NFS1: variants seen among roughly 807,000 people sequenced by gnomAD.
The protein encoded by NFS1 is cysteine desulfurase.
Under a neutral mutation model 57.3 loss-of-function variants are expected in NFS1, and 26 were observed. The ratio of observed to expected loss-of-function variants is 0.45; its 90% CI spans 0.33 to 0.63. The LOEUF (loss-of-function observed/expected upper bound fraction) is 0.63. NFS1 is among the 20% of genes least tolerant of loss of function. NFS1 has a pLI of 0.02. For missense variants in NFS1, 505 were observed against 605.8 expected, an observed-to-expected ratio of 0.83 and a Z score of 1.75; for synonymous variants, 209 against 216.3, an observed-to-expected ratio of 0.97 and a Z score of 0.30.
At chr20:35,683,373 T>C (rs1260348309) in intron 5 of NFS1, among the ~76,000 whole-genome samples, 1 of 151,702 alleles carries the variant, frequency 6.6e-6, no homozygotes, top group African/African-American at 2.4e-5. Flanking sequence ...TCCCAGCTAC[T>C]TGAGAGGCTG....
rs1397576748 is a variant in NFS1, at chr20:35,675,072, C to T, written c.921G>A (p.Ala307=). The change falls in exon 8 of 13, where the codon GCG becomes GCA. Residue 307 remains alanine, a synonymous_variant. Transcript: ENST00000374092. ...CCATCTCTTGCTGTGCCACCTCACA[C>T]GCAGCCCCCAGCCCCACCACTAAGG... is the stretch of plus-strand genomic sequence containing the variant. The part of the protein sequence containing the change: ...PTPLVVGLGA[A]CEVAQQEMEY... The T allele has an allele frequency of 1.1e-5, 18 of 1,614,034 alleles. No individual in the cohort carries two copies. Among genetic ancestry groups the T allele is most frequent in the South Asian group, 3.3e-5 (3 of 91,080 alleles).
At chr20:35,697,997 T>C (rs1045933384) in intron 2 of NFS1, among the ~76,000 whole-genome samples, 197 bp from the exon 3 acceptor site, 3 of 152,020 alleles carry the variant, frequency 2.0e-5, no homozygotes, top group Admixed American at 1.3e-4. Context: ...TCACAACCCA[T>C]CCCAACTCGG....
At chr20:35,684,824 G>T (rs2034911673) in intron 5 of NFS1, among the ~76,000 whole-genome samples, 1 of 151,824 alleles carries the variant, frequency 6.6e-6, no homozygotes, top group Non-Finnish European at 1.5e-5. Flanking sequence ...AGCACTTTGG[G>T]AGGCTGAGGT....
intron 4 of NFS1, chr20:35,694,803 G>C: frequency 6.6e-6 from 1 of 152,378 alleles, no homozygotes; most frequent in Non-Finnish European, 1.5e-5. Flanking sequence ...GCAGGAGAAT[G>C]GCGTGAACCC....
intron 5 of NFS1, among the ~76,000 whole-genome samples, chr20:35,689,639 G>A (rs1336996685): frequency 6.7e-6 from 1 of 150,158 alleles, no homozygotes; most frequent in African/African-American, 2.4e-5. Flanking sequence ...GCGTGGTGGT[G>A]CATGCCTGTA....
intron 12 of NFS1, among the ~76,000 whole-genome samples, chr20:35,671,067 C>T (rs1479546474): frequency 6.6e-6 from 1 of 152,142 alleles, no homozygotes; most frequent in Non-Finnish European, 1.5e-5. Context: ...AGCCCTGGTG[C>T]CAGCTGACTG....
chr20:35,690,380 A>G, intron 5 of NFS1, 33 bp downstream of exon 5: 1 of 1,601,872 alleles, frequency 6.2e-7, no homozygotes, highest in Non-Finnish European at 8.5e-7. Flanking sequence ...AGGCTCCTCC[A>G]TTTTTGCTCC....
chr20:35,698,608 G>T lies in NFS1; in HGVS notation c.98-18C>A. ...GTCTCCAACTGATAAAAAATGGAAC[G>T]GAGTAGCCAAGTAAGACCGAAGGCA... On this transcript the variant is annotated intron_variant, in intron 1 of 12. Coordinates refer to ENST00000374092, the MANE Select transcript of NFS1 (RefSeq NM_021100.5). 6.3e-7 allele frequency: 1 copy of T among 1,582,498 alleles called. No homozygotes were observed. The highest frequency in any genetic ancestry group is 2.2e-5 in the East Asian group (1 of 44,458).
chr20:35,689,996 G>A (rs146453324), intron 5 of NFS1, among the ~76,000 whole-genome samples: 4,709 of 151,054 alleles, frequency 0.031, 258 homozygotes, highest in African/African-American at 0.11. Context: ...CTACTCGGGA[G>A]GGTGAGGCAG....
chr20:35,699,275 G>T lies in NFS1; in HGVS notation c.14C>A (p.Ala5Asp). ...CGCCACTGCCGCCCGCCTCCAAGCG[G>T]CTCGGAGCAGCATGGTCCCGCTGGC... MLLR[A>D]AWRRAAVAVT... The change falls in exon 1 of 13, where the codon GCC (alanine) becomes GAC (aspartate). Residue 5 changes from alanine to aspartate, a missense_variant. Coordinates refer to ENST00000374092, the MANE Select transcript of NFS1 (RefSeq NM_021100.5). This position sits in a 1 kb window ranked among gnomAD's most constrained non-coding sequence, Gnocchi z 4.4. 1 of 1,417,330 alleles carries T rather than the reference G, an allele frequency of 7.1e-7. No individual in the cohort carries two copies. The highest frequency in any genetic ancestry group is 1.5e-5 in the South Asian group (1 of 66,966). 87.8% of individuals were successfully genotyped at this position (1,417,330 alleles called of 1,614,324 possible). A position where few individuals can be genotyped will look rare whatever the true frequency, so the allele number is the denominator to read the frequency against.
Position 35,699,202 on chromosome 20 carries a change from C to G in NFS1, c.87G>C (p.Leu29=). 1 of 1,415,872 alleles carries G rather than the reference C, an allele frequency of 7.1e-7. No homozygotes were observed. The allele number at this position is 1,415,872 out of a possible 1,614,324, so 87.7% of individuals were successfully genotyped here. A position where few individuals can be genotyped will look rare whatever the true frequency, so the allele number is the denominator to read the frequency against. Residue 29 remains leucine (L), a synonymous_variant, in exon 1 of 13, where the codon CTG becomes CTC. Transcript: ENST00000374092. The surrounding 1 kb of genome is among the most constrained non-coding windows in gnomAD (Gnocchi z 4.4). ...GGGACCCGAGCGTACCGCGCAGGCG[C>G]AGCCCCCGAGTGGGCGCCGCGGGCT... ...GPKPAAPTRG[L]RLRVGDRAPQ...
Position 35,668,236 on chromosome 20 carries a change from G to A in NFS1, c.*1386C>T, listed in dbSNP as rs2034599197. 2.0e-5 allele frequency: 3 copies of A among 152,116 alleles called. No individual in the cohort carries two copies. In the South Asian group the frequency reaches 6.2e-4, roughly 31 times the overall value. The allele number at this position is 152,116 out of a possible 1,614,324, so 9.4% of individuals were successfully genotyped here. A position where few individuals can be genotyped will look rare whatever the true frequency, so the allele number is the denominator to read the frequency against. ...TCTACATTTACCAAACTTTAGCCCA[G>A]TGGCTTTCAAACTTTCCTGTCCCCC... On this transcript the variant is annotated 3_prime_UTR_variant, in exon 13 of 13. Transcript: ENST00000374092.
At chr20:35,689,870 G>A (rs1296001323) in intron 5 of NFS1, among the ~76,000 whole-genome samples, 3 of 150,564 alleles carry the variant, frequency 2.0e-5, no homozygotes, top group Admixed American at 2.0e-4. Context: ...CCCGGGAGGT[G>A]GAGGTTGCAG....
At chr20:35,683,473 C>T (rs1384175826) in intron 5 of NFS1, among the ~76,000 whole-genome samples, 5 of 149,008 alleles carry the variant, frequency 3.4e-5, no homozygotes, top group Non-Finnish European at 4.4e-5. Context: ...CAGAGTGAGA[C>T]TCCGTCTCAA....
intron 3 of NFS1, among the ~76,000 whole-genome samples, 190 bp downstream of exon 3, chr20:35,697,494 G>A (rs956870487): frequency 6.6e-6 from 1 of 152,136 alleles, no homozygotes; most frequent in Non-Finnish European, 1.5e-5. Flanking sequence ...ACTTGCCCAA[G>A]TCATTTAGCC....
rs55745216 is a variant in NFS1, at chr20:35,681,232, T to TA, written c.656-362dup. Among the ~76,000 whole-genome samples, 356 of 141,688 alleles carry TA rather than the reference T, an allele frequency of 2.5e-3. 1 individual carries two copies. Among genetic ancestry groups the TA allele is most frequent in the East Asian group, 0.018 (87 of 4,854 alleles). The allele number at this position is 141,688 out of a possible 152,430, so 93.0% of individuals were successfully genotyped here. A position where few individuals can be genotyped will look rare whatever the true frequency, so the allele number is the denominator to read the frequency against. On this transcript the variant is annotated intron_variant, in intron 6 of 12. Coordinates refer to ENST00000374092, the MANE Select transcript of NFS1 (RefSeq NM_021100.5). Reference sequence around the variant, plus strand: ...TGATTAAAAAACAAACAAAACAAAATAAAAAAAAAAAAACAAGATTAACAG... The same window carrying TA: ...TGATTAAAAAACAAACAAAACAAAATAAAAAAAAAAAAAACAAGATTAACAG...
At chr20:35,674,046 C>CT in intron 10 of NFS1, 1 of 465,418 alleles carries the variant, frequency 2.1e-6, no homozygotes, top group South Asian at 2.2e-5. Context: ...ACTTAGTGGC[C>CT]TTTGGAGCAT....
Position 35,674,548 on chromosome 20 carries a change from C to T in NFS1, c.1018G>A (p.Val340Met), listed in dbSNP as rs781454506. ...TGCTTAGGGTCCCCATTCATCACCA[C>T]ATCTGGAAGGCTCTTCATTATATTC... ...IQNIMKSLPD[V>M]VMNGDPKHHY... The change falls in exon 9 of 13, where the codon GTG becomes ATG. Residue 340 changes from valine to methionine, a missense_variant. Physicochemically the swap from Val to Met is conservative, Grantham distance 21. Coordinates refer to ENST00000374092, the MANE Select transcript of NFS1 (RefSeq NM_021100.5). 3.1e-6 allele frequency: 5 copies of T among 1,614,070 alleles called. No individual in the cohort carries two copies. In the East Asian group the frequency reaches 8.9e-5, roughly 29 times the overall value.
chr20:35,683,809 A>AAAAG (rs1343735378), intron 5 of NFS1, among the ~76,000 whole-genome samples: 6 of 149,792 alleles, frequency 4.0e-5, no homozygotes, highest in South Asian at 2.1e-4. Context: ...AAAAAAAAAA[A>AAAAG]AAAGAAAGAA....
Sources: allele counts gnomAD v4.1 joint callset (sites outside exome capture counted in the v4.1 genomes callset), GRCh38; gene constraint gnomAD v4.1.1; non-coding constraint Gnocchi (gnomAD v3.1); transcripts MANE v1.5; gene names NCBI Gene and HGNC (gene_info 2026-07-23, HGNC 2026-07-21).